TTC7B: variants seen among roughly 807,000 people sequenced by gnomAD.
TTC7B encodes the protein tetratricopeptide repeat protein 7B.
Under a neutral mutation model 106.8 loss-of-function variants are expected in TTC7B, and 28 were observed. The ratio of observed to expected loss-of-function variants is 0.26; its 90% confidence interval spans 0.19 to 0.36. TTC7B has a LOEUF of 0.36. Among genes scored for constraint, TTC7B ranks in the 10% least tolerant of loss-of-function variants. The pLI is 1.00. For synonymous variants in TTC7B, 405 were observed against 430.6 expected, an observed-to-expected ratio of 0.94 and a Z score of 0.74; for missense variants, 862 against 1,076.4, an observed-to-expected ratio of 0.80 and a Z score of 2.79.
intron 4 of TTC7B, among the ~76,000 whole-genome samples, chr14:90,737,020 T>C (rs1889560660): frequency 1.4e-5 from 2 of 146,126 alleles, no homozygotes; most frequent in Non-Finnish European, 3.0e-5. Context: ...AACAGTAAAA[T>C]AAAATATAAT....
In TTC7B at chr14:90,525,933, C is replaced by A. The variant is rs1430758584; in HGVS notation, c.*15435G>T. On this transcript the variant is annotated 3_prime_UTR_variant, in exon 20 of 20. Transcript: ENST00000328459. ...AAAGCTTTGCTCCCTTAGAATAATA[C>A]CAACGTACAGAGTTGCGATTGGTTA... 3 of 137,312 alleles carry A rather than the reference C, an allele frequency of 2.2e-5. No individual in the cohort carries two copies. The highest frequency in any genetic ancestry group is 4.7e-5 in the Non-Finnish European group (3 of 63,650). The allele number at this position is 137,312 out of a possible 1,614,324, so 8.5% of individuals were successfully genotyped here.
In TTC7B at chr14:90,609,315, G is replaced by A. The variant is rs79555742; in HGVS notation, c.1966+1427C>T. On this transcript the variant is annotated intron_variant, in intron 17 of 19. Transcript: ENST00000328459. The stretch of plus-strand genomic sequence containing the variant: ...ACTGCACCAATTTACGATTTGTGCC[G>A]CTTCCAGTGCCCAAAAATCTTTTTA... Among the ~76,000 whole-genome samples, 94 of 152,304 alleles carry A rather than the reference G, an allele frequency of 6.2e-4. 2 individuals are homozygous for A. The East Asian group carries it at 0.012, about 20-fold the overall frequency.
chr14:90,563,829 T>C (rs915907816), intron 19 of TTC7B, among the ~76,000 whole-genome samples: 2 of 152,208 alleles, frequency 1.3e-5, no homozygotes, highest in Admixed American at 1.3e-4. Context: ...AAACACTTTG[T>C]TGCCTCATCC....
rs1204153048 is a variant in TTC7B, at chr14:90,537,914, C to T, written c.*3454G>A. On this transcript the variant is annotated 3_prime_UTR_variant, in exon 20 of 20. Transcript: ENST00000328459. ...CTCAGTGCCTGGAATAAGCATCTGG[C>T]ATGTTGTGAGCATTCCATAGATATT... The T allele has an allele frequency of 3.9e-5, 6 of 152,234 alleles. No individual in the cohort carries two copies. Among genetic ancestry groups the T allele is most frequent in the African/African-American group, 1.2e-4 (5 of 41,440 alleles). 9.4% of individuals were successfully genotyped at this position (152,234 alleles called of 1,614,324 possible). A position where few individuals can be genotyped will look rare whatever the true frequency, so the allele number is the denominator to read the frequency against.
intron 18 of TTC7B, among the ~76,000 whole-genome samples, chr14:90,584,731 C>T (rs892259690): frequency 3.2e-4 from 49 of 151,986 alleles, no homozygotes; most frequent in African/African-American, 5.3e-4. Flanking sequence ...CAGCTCAAGC[C>T]GGCAGCCTCC....
chr14:90,780,658 CA>C, intron 3 of TTC7B, 79 bp downstream of exon 3: 2 of 1,509,402 alleles, frequency 1.3e-6, no homozygotes, highest in Non-Finnish European at 1.8e-6. Flanking sequence ...AGCCAAGGGC[CA>C]AGGGTCAAAT....
chr14:90,661,393 G>A (rs1206165944), intron 9 of TTC7B, among the ~76,000 whole-genome samples: 2 of 152,204 alleles, frequency 1.3e-5, no homozygotes, highest in African/African-American at 2.4e-5. Flanking sequence ...GCAGCATGCT[G>A]AGACCAAGTA....
intron 19 of TTC7B, among the ~76,000 whole-genome samples, chr14:90,548,704 G>A (rs1156537045): frequency 6.6e-6 from 1 of 152,238 alleles, no homozygotes; most frequent in Non-Finnish European, 1.5e-5. Context: ...ATGAATAAAT[G>A]AGCAGACCCA....
intron 9 of TTC7B, among the ~76,000 whole-genome samples, chr14:90,660,395 C>CAAAAAAAA (rs57030874): frequency 7.8e-4 from 32 of 40,880 alleles, no homozygotes; most frequent in East Asian, 3.2e-3. Context: ...CACCCTGTCT[C>CAAAAAAAA]AAAAAAAAAA....
rs1889390179 is a variant in TTC7B, at chr14:90,535,230, C to T, written c.*6138G>A. On this transcript the variant is annotated 3_prime_UTR_variant, in exon 20 of 20. Transcript: ENST00000328459. ...GGGCTGGGGATGGGAAGTGGCCTGC[C>T]CCGGCCACACCTGCCCAGGCCCCCA... The T allele has an allele frequency of 6.6e-6, 1 of 152,460 alleles. No homozygotes were observed. Among genetic ancestry groups the T allele is most frequent in the Non-Finnish European group, 1.5e-5 (1 of 68,258 alleles). The allele number at this position is 152,460 out of a possible 1,614,324, so 9.4% of individuals were successfully genotyped here. A position where few individuals can be genotyped will look rare whatever the true frequency, so the allele number is the denominator to read the frequency against.
At chr14:90,571,670 G>A (rs767189000) in intron 19 of TTC7B, among the ~76,000 whole-genome samples, 6 of 152,160 alleles carry the variant, frequency 3.9e-5, no homozygotes, top group East Asian at 1.9e-4. Flanking sequence ...CTGATACTTC[G>A]GATGAAAGAG....
At position 90,529,676 on chromosome 14, in the gene TTC7B, T is replaced by G. The variant is rs1380439541; in HGVS notation, c.*11692A>C. 3 of 152,356 alleles carry G rather than the reference T, an allele frequency of 2.0e-5. No homozygotes were observed. The South Asian group carries it at 6.2e-4, about 32-fold the overall frequency. 9.4% of individuals were successfully genotyped at this position (152,356 alleles called of 1,614,324 possible). ...TGGACCTGTATCCGTAATAACTGTA[T>G]GCATATCATAGCACTGTCATGAGGA... On this transcript the variant is annotated 3_prime_UTR_variant, in exon 20 of 20. Transcript: ENST00000328459.
intron 1 of TTC7B, among the ~76,000 whole-genome samples, chr14:90,800,629 G>A (rs1036109763): frequency 6.6e-6 from 1 of 151,920 alleles, no homozygotes. Flanking sequence ...GGCTAACACA[G>A]TGAAACCCTG....
At chr14:90,572,405 G>A (rs911983424) in intron 19 of TTC7B, among the ~76,000 whole-genome samples, 2 of 152,160 alleles carry the variant, frequency 1.3e-5, no homozygotes, top group Non-Finnish European at 2.9e-5. Flanking sequence ...ACCTCACATC[G>A]TGGGGCCATC....
chr14:90,561,786 G>A (rs891847045), intron 19 of TTC7B, among the ~76,000 whole-genome samples: 4 of 152,376 alleles, frequency 2.6e-5, no homozygotes, highest in Non-Finnish European at 5.9e-5. Context: ...TGGCAGGGAA[G>A]AGGGCTGGCT....
At chr14:90,721,911 G>A (rs1479571927) in intron 5 of TTC7B, among the ~76,000 whole-genome samples, 1 of 152,212 alleles carries the variant, frequency 6.6e-6, no homozygotes, top group Non-Finnish European at 1.5e-5. Flanking sequence ...TAGTGAACAG[G>A]ATTTCTCTGA....
intron 17 of TTC7B, among the ~76,000 whole-genome samples, chr14:90,598,525 C>T (rs989176144): frequency 2.6e-5 from 4 of 152,260 alleles, no homozygotes; most frequent in Non-Finnish European, 4.4e-5. Flanking sequence ...CATTTCCTCA[C>T]GGGCCAAGAG....
At position 90,816,193 on chromosome 14, in the gene TTC7B, C is replaced by G; in HGVS notation, c.103G>C (p.Ala35Pro). The change falls in exon 1 of 20, where the codon GCC (alanine) becomes CCC (proline). Residue 35 changes from alanine (A) to proline (P), a missense_variant. Ala to Pro is a conservative substitution (Grantham distance 27). Transcript: ENST00000328459. Reference sequence around the variant, plus strand: ...AGCGTACCGTTGGCGATGAGCTTGGCCGACAGCTGCTTGACGAGCTCAGGG... The same window carrying G: ...AGCGTACCGTTGGCGATGAGCTTGGGCGACAGCTGCTTGACGAGCTCAGGG... The part of the protein sequence containing the change: ...RIPELVKQLS[A>P]KLIANDDMAE... 7.9e-7 allele frequency: 1 copy of G among 1,266,184 alleles called. No individual in the cohort carries two copies. The highest frequency in any genetic ancestry group is 1.0e-6 in the Non-Finnish European group (1 of 973,376). The allele number at this position is 1,266,184 out of a possible 1,614,324, so 78.4% of individuals were successfully genotyped here. A position where few individuals can be genotyped will look rare whatever the true frequency, so the allele number is the denominator to read the frequency against.
chr14:90,615,060 C>T (rs777146162), intron 16 of TTC7B, among the ~76,000 whole-genome samples: 5 of 152,202 alleles, frequency 3.3e-5, no homozygotes, highest in Non-Finnish European at 7.3e-5. Flanking sequence ...AAACACCTCG[C>T]CAAATGTAAG....
Sources: gnomAD v4.1 joint callset for allele counts (sites outside exome capture counted in the v4.1 genomes callset) on GRCh38, gnomAD v4.1.1 for gene constraint, MANE v1.5 for transcripts, NCBI Gene and HGNC (gene_info 2026-07-23, HGNC 2026-07-21) for gene names.